FAM184A: variants seen among roughly 807,000 people sequenced by gnomAD.
FAM184A encodes the protein protein FAM184A.
A neutral mutation model predicts 143.8 loss-of-function variants in FAM184A; 99 were observed. The ratio of observed to expected loss-of-function variants is 0.69; its 90% CI spans 0.58 to 0.81. The LOEUF (loss-of-function observed/expected upper bound fraction) is 0.81. FAM184A is among the 40% of genes least tolerant of loss of function. FAM184A has a pLI of 0.00. For missense variants in FAM184A, 1,217 were observed against 1,310.5 expected (o/e 0.93, Z 1.10); for synonymous variants, 427 against 446.4 (o/e 0.96, Z 0.55).
intron 9 of FAM184A, among the ~76,000 whole-genome samples, chr6:118,994,685 CTAAATAAA>C (rs201223261): frequency 7.3e-6 from 1 of 137,606 alleles, no homozygotes; most frequent in Admixed American, 7.2e-5. Context: ...GACTCCATCT[CTAAATAAA>C]TAAATAAATA....
At chr6:119,006,390 G>A (rs1418526645) in intron 7 of FAM184A, 57 bp downstream of exon 7, 1 of 1,550,450 alleles carries the variant, frequency 6.4e-7, no homozygotes, top group Non-Finnish European at 8.8e-7. Flanking sequence ...AGGTCAAATG[G>A]CTAAATTCTA....
intron 1 of FAM184A, among the ~76,000 whole-genome samples, chr6:119,143,031 G>A (rs1772298558): frequency 6.6e-6 from 1 of 152,096 alleles, no homozygotes; most frequent in Non-Finnish European, 1.5e-5. Flanking sequence ...GGAGGTATGG[G>A]GCAGATTCTC....
chr6:118,961,694 A>C, intron 17 of FAM184A, 67 bp downstream of exon 17: 1 of 1,268,978 alleles, frequency 7.9e-7, no homozygotes, highest in Admixed American at 2.0e-5. Flanking sequence ...TGATTTCTGC[A>C]ATGTAAGAAG....
intron 9 of FAM184A, among the ~76,000 whole-genome samples, chr6:118,998,018 C>T (rs1582483593): frequency 6.6e-6 from 1 of 152,068 alleles, no homozygotes; most frequent in Non-Finnish European, 1.5e-5. Context: ...TTGCCCTTTC[C>T]TACTGAGTAT....
intron 1 of FAM184A, among the ~76,000 whole-genome samples, chr6:119,084,990 T>C (rs1304118436): frequency 6.6e-6 from 1 of 152,216 alleles, no homozygotes; most frequent in Non-Finnish European, 1.5e-5. Context: ...TGAAACCATT[T>C]TTCCCTCCTG....
intron 16 of FAM184A, among the ~76,000 whole-genome samples, chr6:118,964,244 G>A (rs1396150052): frequency 6.6e-6 from 1 of 152,094 alleles, no homozygotes; most frequent in Non-Finnish European, 1.5e-5. Flanking sequence ...CGATTGGTAG[G>A]CAACAAAATA....
At chr6:119,148,500 C>A (rs536519873) in intron 1 of FAM184A, among the ~76,000 whole-genome samples, 140 of 152,258 alleles carry the variant, frequency 9.2e-4, no homozygotes, top group Non-Finnish European at 1.7e-3. Context: ...CCAAGTCCAA[C>A]TGTCTGGATT....
chr6:119,128,987 C>T (rs986943856), intron 1 of FAM184A, among the ~76,000 whole-genome samples: 1 of 152,042 alleles, frequency 6.6e-6, no homozygotes, highest in East Asian at 1.9e-4. Flanking sequence ...TTTATAAGAA[C>T]CTTAGCTTCA....
intron 1 of FAM184A, among the ~76,000 whole-genome samples, chr6:119,134,865 G>C (rs1308225015): frequency 6.6e-6 from 1 of 152,096 alleles, no homozygotes; most frequent in Non-Finnish European, 1.5e-5. Context: ...CTCAATCCAA[G>C]GGTGTGGAGC....
At chr6:119,054,847 G>A (rs1489501575) in intron 1 of FAM184A, among the ~76,000 whole-genome samples, 1 of 124,980 alleles carries the variant, frequency 8.0e-6, no homozygotes, top group East Asian at 2.5e-4. Context: ...TGAGTCTTGA[G>A]TAACTGAGCC....
chr6:119,019,950 G>A (rs1243645529), intron 4 of FAM184A, 28 bp downstream of exon 4: 1 of 1,476,120 alleles, frequency 6.8e-7, no homozygotes, highest in South Asian at 1.5e-5. Flanking sequence ...ACTCTTTCGG[G>A]GGGAATGGAG....
At chr6:119,099,353 T>A (rs968291282) in intron 1 of FAM184A, among the ~76,000 whole-genome samples, 17 of 152,168 alleles carry the variant, frequency 1.1e-4, no homozygotes, top group Admixed American at 1.3e-4. Context: ...ACTATTACTG[T>A]CCTGCTTGTT....
At chr6:119,116,541 G>A (rs1789068214) in intron 1 of FAM184A, among the ~76,000 whole-genome samples, 1 of 152,174 alleles carries the variant, frequency 6.6e-6, no homozygotes, top group African/African-American at 2.4e-5. Flanking sequence ...ACTTTCAGTA[G>A]TCAGACATAA....
chr6:119,099,535 C>A (rs1788589877), intron 1 of FAM184A, among the ~76,000 whole-genome samples: 1 of 152,086 alleles, frequency 6.6e-6, no homozygotes, highest in Non-Finnish European at 1.5e-5. Flanking sequence ...TGCTCCGTAT[C>A]CTGGAAGAAG....
At chr6:119,087,842 C>A (rs1369765761) in intron 1 of FAM184A, among the ~76,000 whole-genome samples, 1 of 152,168 alleles carries the variant, frequency 6.6e-6, no homozygotes, top group Non-Finnish European at 1.5e-5. Context: ...AAGATGGAAG[C>A]AGCCCAAATG....
At chr6:119,088,755 A>G (rs561233139) in intron 1 of FAM184A, among the ~76,000 whole-genome samples, 1 of 152,344 alleles carries the variant, frequency 6.6e-6, no homozygotes, top group South Asian at 2.1e-4. Flanking sequence ...CAGAATCACT[A>G]TAGACTGTGT....
intron 1 of FAM184A, among the ~76,000 whole-genome samples, chr6:119,110,955 C>T (rs1407000630): frequency 6.6e-6 from 1 of 151,692 alleles, no homozygotes; most frequent in Non-Finnish European, 1.5e-5. Context: ...GATATTCACT[C>T]TGGTCACCAC....
chr6:119,061,723 T>C (rs1787256677), intron 1 of FAM184A, among the ~76,000 whole-genome samples: 1 of 151,590 alleles, frequency 6.6e-6, no homozygotes, highest in Admixed American at 6.6e-5. Flanking sequence ...TTGTTCAGCA[T>C]GAAATAAGAG....
intron 5 of FAM184A, 118 bp downstream of exon 5, chr6:119,016,629 C>CG: frequency 1.3e-6 from 1 of 793,794 alleles, no homozygotes; most frequent in Non-Finnish European, 2.1e-6. Context: ...ACACTCACCG[C>CG]GGGGGTCCGT....
Sources: gnomAD v4.1 joint callset for allele counts (sites outside exome capture counted in the v4.1 genomes callset) on GRCh38, gnomAD v4.1.1 for gene constraint, MANE v1.5 for transcripts, NCBI Gene and HGNC (gene_info 2026-07-23, HGNC 2026-07-21) for gene names.